The following SEMA6D variants were observed in gnomAD, a reference collection of about 807,000 sequenced individuals.
SEMA6D encodes the protein semaphorin 6D.
In SEMA6D, 35 loss-of-function variants were observed where a neutral mutation model predicts 106.6. The observed-to-expected ratio is 0.33, with a 90% confidence interval of 0.25 to 0.44. The LOEUF (loss-of-function observed/expected upper bound fraction) is 0.44. Ranked by LOEUF, SEMA6D falls within the 20% of genes least tolerant of loss-of-function variation. The pLI is 1.00. For missense variants in SEMA6D, 1,185 were observed against 1,345.9 expected (o/e 0.88, Z 1.87); for synonymous variants, 499 against 487.7 (o/e 1.02, Z -0.31).
chr15:47,721,092 A>G (rs1209503778), intron 1 of SEMA6D, among the ~76,000 whole-genome samples: 2 of 152,264 alleles, frequency 1.3e-5, no homozygotes, highest in East Asian at 3.8e-4. Flanking sequence ...GAGCTGTGCT[A>G]GCCAGTGTTC....
At chr15:47,515,039 T>C (rs949444691) in intron 3 of SEMA6D, among the ~76,000 whole-genome samples, 4 of 152,346 alleles carry the variant, frequency 2.6e-5, no homozygotes, top group Admixed American at 2.6e-4. Context: ...ATTCTTTCCC[T>C]TGCATTCGCC....
intron 4 of SEMA6D, among the ~76,000 whole-genome samples, chr15:47,653,193 T>A (rs1401541952): frequency 6.6e-6 from 1 of 152,188 alleles, no homozygotes; most frequent in Non-Finnish European, 1.5e-5. Flanking sequence ...ATGAGAAATT[T>A]TCTTAAATCA....
chr15:47,245,726 T>A (rs2141843279), intron 1 of SEMA6D, among the ~76,000 whole-genome samples: 1 of 152,336 alleles, frequency 6.6e-6, no homozygotes, highest in South Asian at 2.1e-4. Flanking sequence ...TTGTGATGCT[T>A]ATTCTGAAAT....
At chr15:47,398,721 C>T (rs143791459) in intron 1 of SEMA6D, among the ~76,000 whole-genome samples, 6 of 152,304 alleles carry the variant, frequency 3.9e-5, no homozygotes, top group Non-Finnish European at 5.9e-5. Context: ...GAAAGTGCCA[C>T]AATCACTCCT....
In SEMA6D at chr15:47,730,759, T is replaced by G. The variant is rs531707892; in HGVS notation, c.-55+13067T>G. ...AGCTCTCTGCCGCTGCAACCTGATATAGTGGGGCCATTTCACAAAGCGGGT... is the reference window on the plus strand; with the variant it reads ...AGCTCTCTGCCGCTGCAACCTGATAGAGTGGGGCCATTTCACAAAGCGGGT... On this transcript the variant is annotated intron_variant, in intron 1 of 18. Transcript: ENST00000536845. The G allele has an allele frequency of 1.6e-4, 249 of 1,599,216 alleles. 1 individual carries two copies. The East Asian group carries it at 1.9e-3, about 12-fold the overall frequency.
At chr15:47,537,372 G>A (rs963016883) in intron 3 of SEMA6D, among the ~76,000 whole-genome samples, 1 of 152,192 alleles carries the variant, frequency 6.6e-6, no homozygotes, top group Non-Finnish European at 1.5e-5. Flanking sequence ...GTAAATAAGT[G>A]TTCAAGGTAG....
intron 1 of SEMA6D, among the ~76,000 whole-genome samples, chr15:47,220,556 G>C (rs1355877281): frequency 6.6e-6 from 1 of 152,100 alleles, no homozygotes; most frequent in East Asian, 1.9e-4. Flanking sequence ...AAGCATGAGG[G>C]GGAATGGGCT....
chr15:47,281,501 T>G (rs2035112978), intron 1 of SEMA6D, among the ~76,000 whole-genome samples: 2 of 151,110 alleles, frequency 1.3e-5, no homozygotes, highest in South Asian at 4.2e-4. Flanking sequence ...GTCTGTGTCT[T>G]TTAATTGGAG....
At chr15:47,446,078 A>G (rs937659638) in intron 2 of SEMA6D, among the ~76,000 whole-genome samples, 2 of 152,166 alleles carry the variant, frequency 1.3e-5, no homozygotes, top group African/African-American at 4.8e-5. Flanking sequence ...TCATCCCTGC[A>G]TGCACATTTC....
chr15:47,450,346 C>T (rs1176281487), intron 2 of SEMA6D, among the ~76,000 whole-genome samples: 1 of 152,126 alleles, frequency 6.6e-6, no homozygotes, highest in African/African-American at 2.4e-5. Flanking sequence ...AATGCTCCCA[C>T]CTCCAGTATA....
At chr15:47,425,142 A>G (rs759284469) in intron 2 of SEMA6D, among the ~76,000 whole-genome samples, 2 of 151,986 alleles carry the variant, frequency 1.3e-5, no homozygotes, top group Admixed American at 6.6e-5. Context: ...AAAGTCTGTC[A>G]TATTGTGGTG....
chr15:47,701,921 CA>C (rs1489129525), intron 4 of SEMA6D, among the ~76,000 whole-genome samples: 1 of 152,168 alleles, frequency 6.6e-6, no homozygotes, highest in Non-Finnish European at 1.5e-5. Context: ...ATTGTGAGCA[CA>C]TCCTCTGAAC....
At chr15:47,339,898 GAGAA>G (rs560004198) in intron 1 of SEMA6D, among the ~76,000 whole-genome samples, 117 of 151,954 alleles carry the variant, frequency 7.7e-4, no homozygotes, top group South Asian at 1.7e-3. Context: ...GAAAGAAAAA[GAGAA>G]AGAGAGAGGA....
chr15:47,212,885 G>C (rs540231319), intron 1 of SEMA6D, among the ~76,000 whole-genome samples: 1 of 152,270 alleles, frequency 6.6e-6, no homozygotes, highest in African/African-American at 2.4e-5. Flanking sequence ...AAGGTTAAGT[G>C]ACGTTACACA....
chr15:47,409,723 C>G (rs1400632135), intron 1 of SEMA6D, among the ~76,000 whole-genome samples: 1 of 152,028 alleles, frequency 6.6e-6, no homozygotes, highest in Non-Finnish European at 1.5e-5. Context: ...AGAAGCCAAG[C>G]TAAGGTTAAG....
At chr15:47,188,914 AG>A (rs1400859340) in intron 1 of SEMA6D, among the ~76,000 whole-genome samples, 1 of 152,190 alleles carries the variant, frequency 6.6e-6, no homozygotes, top group African/African-American at 2.4e-5. Flanking sequence ...ATTAGCTCAA[AG>A]TAAGTCAACA....
intron 4 of SEMA6D, among the ~76,000 whole-genome samples, chr15:47,662,785 G>C: frequency 6.6e-6 from 1 of 151,982 alleles, no homozygotes; most frequent in Non-Finnish European, 1.5e-5. Context: ...ATTTCACCTA[G>C]ATTGAGGGGG....
intron 2 of SEMA6D, among the ~76,000 whole-genome samples, chr15:47,456,502 C>G (rs1008366131): frequency 4.6e-5 from 7 of 151,914 alleles, no homozygotes; most frequent in African/African-American, 1.7e-4. Context: ...TTAGAGCTGC[C>G]GCTAGAATTT....
At chr15:47,760,268 A>G in intron 2 of SEMA6D, 36 bp from the exon 3 acceptor site, 2 of 1,457,638 alleles carry the variant, frequency 1.4e-6, no homozygotes, top group Middle Eastern at 1.7e-4. Context: ...CAGCTCCATA[A>G]TCCTGAATGA....
Sources: allele counts gnomAD v4.1 joint callset (sites outside exome capture counted in the v4.1 genomes callset), GRCh38; gene constraint gnomAD v4.1.1; transcripts MANE v1.5; gene names NCBI Gene and HGNC (gene_info 2026-07-23, HGNC 2026-07-21).